PLEKHA7: variants seen among roughly 807,000 people sequenced by gnomAD.
The protein encoded by PLEKHA7 is pleckstrin homology domain-containing family A member 7.
PLEKHA7 carries 104 observed loss-of-function variants against 170.0 expected under a neutral mutation model. The observed-to-expected ratio is 0.61, with a 90% CI of 0.52 to 0.72. The LOEUF is 0.72. PLEKHA7 is among the 30% of genes least tolerant of loss of function. The probability of loss-of-function intolerance (pLI) is 0.00; values close to 1 mark genes in which losing one functional copy is unlikely to be tolerated. For missense variants in PLEKHA7, 1,615 were observed against 1,671.7 expected, an observed-to-expected ratio of 0.97 and a Z score of 0.59; for synonymous variants, 648 against 660.8, an observed-to-expected ratio of 0.98 and a Z score of 0.30.
At chr11:17,013,377 C>T (rs969051395) in intron 3 of PLEKHA7, 1 of 152,354 alleles carries the variant, frequency 6.6e-6, no homozygotes, top group African/African-American at 2.4e-5. Context: ...CAGCTCCGGC[C>T]GAAGAGACGC....
intron 3 of PLEKHA7, among the ~76,000 whole-genome samples, chr11:17,004,725 C>T (rs946977438): frequency 2.0e-5 from 3 of 152,044 alleles, no homozygotes; most frequent in Non-Finnish European, 4.4e-5. Context: ...CACTTTACCC[C>T]TCTGAGCCCA....
chr11:17,003,336 G>A (rs1216672000), intron 3 of PLEKHA7, among the ~76,000 whole-genome samples: 1 of 152,170 alleles, frequency 6.6e-6, no homozygotes, highest in Non-Finnish European at 1.5e-5. Context: ...TCTGAGTTGA[G>A]TTCTACAGTT....
intron 3 of PLEKHA7, among the ~76,000 whole-genome samples, chr11:16,984,180 C>T (rs1399854128): frequency 6.6e-6 from 1 of 152,084 alleles, no homozygotes; most frequent in East Asian, 1.9e-4. Context: ...TTTAATCAGT[C>T]TATTCTACGT....
intron 3 of PLEKHA7, among the ~76,000 whole-genome samples, chr11:16,957,864 C>A (rs1004174933): frequency 6.6e-6 from 1 of 151,738 alleles, no homozygotes; most frequent in Non-Finnish European, 1.5e-5. Flanking sequence ...CCACCACGCC[C>A]GGCTAATTTT....
In PLEKHA7 at chr11:17,002,989, C is replaced by CT. The variant is rs568718448; in HGVS notation, c.221+10999dup. On this transcript the variant is annotated intron_variant, in intron 3 of 26. Coordinates refer to ENST00000531066, the MANE Select transcript of PLEKHA7 (RefSeq NM_001329630.2). ...CCTTTAAGTACCAGAATAGTTGTGCCTTTTTTTTTTTTTTTTTTTTGTGAT... is the reference window on the plus strand; with the variant it reads ...CCTTTAAGTACCAGAATAGTTGTGCCTTTTTTTTTTTTTTTTTTTTTGTGAT... Among the ~76,000 whole-genome samples the CT allele has an allele frequency of 1.2e-3, 137 of 112,982 alleles. 2 individuals carry two copies. The highest frequency in any genetic ancestry group is 5.4e-3 in the South Asian group (17 of 3,170). 74.1% of individuals were successfully genotyped at this position (112,982 alleles called of 152,430 possible).
At chr11:17,004,512 C>A (rs1376496801) in intron 3 of PLEKHA7, among the ~76,000 whole-genome samples, 1 of 151,882 alleles carries the variant, frequency 6.6e-6, no homozygotes, top group Non-Finnish European at 1.5e-5. Context: ...CCTACCTCAG[C>A]CTCCCGAGTA....
chr11:16,782,619 G>T (rs1849120366), intron 26 of PLEKHA7, 135 bp downstream of exon 26: 3 of 1,163,802 alleles, frequency 2.6e-6, no homozygotes, highest in Non-Finnish European at 3.6e-6. Context: ...GTGGTCAGGG[G>T]AACACACCAC....
intron 3 of PLEKHA7, among the ~76,000 whole-genome samples, chr11:16,889,267 A>C (rs365215): frequency 0.46 from 69,024 of 150,946 alleles, 16,420 homozygotes; most frequent in Non-Finnish European, 0.54. Flanking sequence ...CTAACAATAG[A>C]TGACCATCTT....
intron 17 of PLEKHA7, among the ~76,000 whole-genome samples, chr11:16,795,487 T>C (rs1055434034): frequency 1.3e-5 from 2 of 152,216 alleles, no homozygotes; most frequent in African/African-American, 4.8e-5. Context: ...CACTGAACTG[T>C]ATACTTAAAA....
Position 16,950,079 on chromosome 11 carries a change from T to G in PLEKHA7, c.221+63910A>C, listed in dbSNP as rs1023287204. ...GAGTGAAGGCAGAGTAAAGTGTGTGTGGGGCGGGGGGCGGGGGCGGAGCAC... is the reference window on the plus strand; with the variant it reads ...GAGTGAAGGCAGAGTAAAGTGTGTGGGGGGCGGGGGGCGGGGGCGGAGCAC... On this transcript the variant is annotated intron_variant, in intron 3 of 26. Coordinates refer to ENST00000531066, the MANE Select transcript of PLEKHA7 (RefSeq NM_001329630.2). Among the ~76,000 whole-genome samples the G allele has an allele frequency of 1.2e-3, 35 of 29,212 alleles. No individual in the cohort carries two copies. In the South Asian group the frequency reaches 0.028, roughly 23 times the overall value. 19.2% of individuals were successfully genotyped at this position (29,212 alleles called of 152,430 possible).
At chr11:16,790,505 T>A (rs1245860816) in intron 21 of PLEKHA7, 1 of 318,216 alleles carries the variant, frequency 3.1e-6, no homozygotes, top group African/African-American at 2.1e-5. Flanking sequence ...ACTTTCCTCA[T>A]AGGATTGTTG....
intron 10 of PLEKHA7, among the ~76,000 whole-genome samples, chr11:16,818,536 CTGTT>C (rs958102531): frequency 6.6e-6 from 1 of 152,244 alleles, no homozygotes; most frequent in African/African-American, 2.4e-5. Context: ...TGATCCAACT[CTGTT>C]TGACCTCGTC....
intron 4 of PLEKHA7, among the ~76,000 whole-genome samples, chr11:16,864,052 C>G (rs1165684107): frequency 6.6e-6 from 1 of 152,214 alleles, no homozygotes; most frequent in African/African-American, 2.4e-5. Flanking sequence ...GTAGCCTACT[C>G]ACTCAGCGCA....
chr11:16,921,295 G>C (rs922392345), intron 3 of PLEKHA7, among the ~76,000 whole-genome samples: 8 of 152,070 alleles, frequency 5.3e-5, no homozygotes, highest in African/African-American at 1.9e-4. Context: ...AATCAAACTA[G>C]CAACCTCTTT....
intron 3 of PLEKHA7, among the ~76,000 whole-genome samples, chr11:16,930,937 C>G (rs895472523): frequency 3.0e-4 from 45 of 152,162 alleles, no homozygotes; most frequent in South Asian, 6.2e-4. Context: ...CCTGCCGCAC[C>G]TAAGCTGGAA....
In PLEKHA7 at chr11:16,802,768, G is replaced by A. The variant is rs573619093; in HGVS notation, c.2157+204C>T. Among the ~76,000 whole-genome samples the A allele has an allele frequency of 3.4e-4, 51 of 152,154 alleles. No individual in the cohort carries two copies. The East Asian group carries it at 4.1e-3, about 12-fold the overall frequency. ...TCACCATGTTGGTCAGGCTGGTCTC[G>A]AACTCCTGACCTCATGATCCACCTG... On this transcript the variant is annotated intron_variant, in intron 15 of 26. Transcript: ENST00000531066.
At chr11:16,916,373 G>A (rs1451415972) in intron 3 of PLEKHA7, among the ~76,000 whole-genome samples, 1 of 152,172 alleles carries the variant, frequency 6.6e-6, no homozygotes, top group Non-Finnish European at 1.5e-5. Context: ...TTCTACCGCA[G>A]AAAACCATGC....
intron 3 of PLEKHA7, among the ~76,000 whole-genome samples, chr11:16,935,216 A>G (rs2136354363): frequency 6.6e-6 from 1 of 152,252 alleles, no homozygotes; most frequent in Admixed American, 6.5e-5. Context: ...AGGCAGATCA[A>G]CTGAGGTCAG....
chr11:16,983,374 C>T (rs1469142421), intron 3 of PLEKHA7, among the ~76,000 whole-genome samples: 1 of 152,168 alleles, frequency 6.6e-6, no homozygotes, highest in Non-Finnish European at 1.5e-5. Flanking sequence ...AGGCAAACCA[C>T]ATCAGACCAT....
Sources: gnomAD v4.1 joint callset for allele counts (sites outside exome capture counted in the v4.1 genomes callset) on GRCh38, gnomAD v4.1.1 for gene constraint, MANE v1.5 for transcripts, NCBI Gene and HGNC (gene_info 2026-07-23, HGNC 2026-07-21) for gene names.